The following PRKAG2 variants were observed in gnomAD, a reference collection of about 807,000 sequenced individuals.
PRKAG2 encodes the protein protein kinase AMP-activated non-catalytic subunit gamma 2, also known as 5'-AMP-activated protein kinase subunit gamma-2.
A neutral mutation model predicts 69.6 loss-of-function variants in PRKAG2; 26 were observed. That is an observed-to-expected ratio of 0.37 (90% CI 0.27 to 0.52). The LOEUF is 0.52. Among genes scored for constraint, PRKAG2 ranks in the 20% least tolerant of loss-of-function variants. The pLI is 0.90. For synonymous variants in PRKAG2, 293 were observed against 285.0 expected, an observed-to-expected ratio of 1.03 and a Z score of -0.28; for missense variants, 557 against 740.0, an observed-to-expected ratio of 0.75 and a Z score of 2.87.
At chr7:151,665,808 T>C (rs1446950108) in intron 4 of PRKAG2, among the ~76,000 whole-genome samples, 2 of 152,226 alleles carry the variant, frequency 1.3e-5, no homozygotes, top group Non-Finnish European at 2.9e-5. Context: ...AAGTGGTGCA[T>C]ATAAAGTCTT....
chr7:151,876,203 G>A (rs980127690), intron 1 of PRKAG2, among the ~76,000 whole-genome samples: 4 of 152,016 alleles, frequency 2.6e-5, no homozygotes, highest in Admixed American at 6.5e-5. Flanking sequence ...CCCGCACCCG[G>A]CTGGATACCG....
Position 151,771,189 on chromosome 7 carries a change from T to G in PRKAG2, c.466+9963A>C, listed in dbSNP as rs1014569276. On this transcript the variant is annotated intron_variant, in intron 3 of 15. Coordinates refer to ENST00000287878, the MANE Select transcript of PRKAG2 (RefSeq NM_016203.4). This position sits in a 1 kb window ranked among gnomAD's most constrained non-coding sequence, Gnocchi z 4.0. ...TACATGCATGATTTTTACCCTATCT[T>G]CATTCCAGCTATGTTATTCTTTATG... Among the ~76,000 whole-genome samples, 3 of 152,242 alleles carry G rather than the reference T, an allele frequency of 2.0e-5. No homozygotes were observed. Among genetic ancestry groups the G allele is most frequent in the African/African-American group, 7.2e-5 (3 of 41,460 alleles).
chr7:151,824,384 T>G (rs1191531325), intron 1 of PRKAG2, among the ~76,000 whole-genome samples: 2 of 152,232 alleles, frequency 1.3e-5, no homozygotes, highest in Non-Finnish European at 2.9e-5. Context: ...GCTGCTTGTG[T>G]TAACATCAAG....
At chr7:151,649,112 A>ATTATTTTATTTTATT (rs56728734) in intron 4 of PRKAG2, among the ~76,000 whole-genome samples, 4 of 150,682 alleles carry the variant, frequency 2.7e-5, no homozygotes, top group African/African-American at 9.8e-5. Context: ...GGAAGGAATG[A>ATTATTTTATTTTATT]TTATTTTATT....
At chr7:151,617,332 G>A (rs1341700543) in intron 5 of PRKAG2, among the ~76,000 whole-genome samples, 4 of 149,264 alleles carry the variant, frequency 2.7e-5, no homozygotes, top group Admixed American at 6.6e-5. Flanking sequence ...ACATTGCTTC[G>A]TGTAGCACCA....
intron 1 of PRKAG2, among the ~76,000 whole-genome samples, chr7:151,830,101 G>A (rs1165455632): frequency 8.7e-5 from 13 of 149,656 alleles, no homozygotes; most frequent in Non-Finnish European, 1.8e-4. Flanking sequence ...TTCCAATGTC[G>A]AGGACTGTTC....
At chr7:151,560,644 A>C (rs767223918) in intron 14 of PRKAG2, 27 bp from the exon 15 acceptor site, 1 of 1,613,616 alleles carries the variant, frequency 6.2e-7, no homozygotes, top group Non-Finnish European at 8.5e-7. Flanking sequence ...AGGACACGTG[A>C]AAATTAACAT....
At position 151,836,984 on chromosome 7, in the gene PRKAG2, A is replaced by G. The variant is rs56998446; in HGVS notation, c.114+39523T>C. Among the ~76,000 whole-genome samples, 16,081 of 151,544 alleles carry G rather than the reference A, an allele frequency of 0.11. 1,018 individuals are homozygous for G. Among genetic ancestry groups the G allele is most frequent in the East Asian group, 0.31 (1,571 of 5,104 alleles). ...AGACTGCCAATGTTTATTTGAGGCT[A>G]TTTGTTTAAATTCAACTTGAACCCC... On this transcript the variant is annotated intron_variant, in intron 1 of 15. Transcript: ENST00000287878. This position sits in a 1 kb window ranked among gnomAD's most constrained non-coding sequence, Gnocchi z 4.1.
At chr7:151,874,622 C>T (rs1370343758) in intron 1 of PRKAG2, among the ~76,000 whole-genome samples, 2 of 152,058 alleles carry the variant, frequency 1.3e-5, no homozygotes, top group East Asian at 3.8e-4. Flanking sequence ...TGATGGCTCA[C>T]GCCTGTAATC....
At position 151,719,269 on chromosome 7, in the gene PRKAG2, C is replaced by G. The variant is rs1424738540; in HGVS notation, c.467-43632G>C. ...ACATGCTTCCCGGCCCCGGCACGCT[C>G]AGCCCTGGTCCAACTTATCATACAA... On this transcript the variant is annotated intron_variant, in intron 3 of 15. Coordinates refer to ENST00000287878, the MANE Select transcript of PRKAG2 (RefSeq NM_016203.4). The surrounding 1 kb of genome is among the most constrained non-coding windows in gnomAD (Gnocchi z 5.2). 6.6e-6 allele frequency among the ~76,000 whole-genome samples: 1 copy of G among 152,154 alleles called. No homozygotes were observed. The highest frequency in any genetic ancestry group is 1.5e-5 in the Non-Finnish European group (1 of 68,034).
At chr7:151,736,366 A>G (rs1799804542) in intron 3 of PRKAG2, 1 of 1,014,822 alleles carries the variant, frequency 9.9e-7, no homozygotes, top group Middle Eastern at 4.8e-4. Context: ...TCAGCTGCTC[A>G]CTGATACTCT....
intron 4 of PRKAG2, among the ~76,000 whole-genome samples, chr7:151,662,963 T>G (rs1316599397): frequency 6.6e-6 from 1 of 152,032 alleles, no homozygotes; most frequent in African/African-American, 2.4e-5. Context: ...CCCTTTGGAT[T>G]TGGGATTACT....
chr7:151,866,238 T>C (rs905062917), intron 1 of PRKAG2, among the ~76,000 whole-genome samples: 1 of 152,036 alleles, frequency 6.6e-6, no homozygotes. Context: ...TCCAGCCTCA[T>C]CCCCTACCCC....
rs1319857048 is a variant in PRKAG2, at chr7:151,771,223, T to C, written c.466+9929A>G. 6.6e-6 allele frequency among the ~76,000 whole-genome samples: 1 copy of C among 152,246 alleles called. No individual in the cohort carries two copies. The highest frequency in any genetic ancestry group is 1.5e-5 in the Non-Finnish European group (1 of 68,044). The stretch of plus-strand genomic sequence containing the variant: ...CTATGTTATTCTTTATGCTTTTCCC[T>C]TAGCTAAAATTTCGATTTCCGCTTT... On this transcript the variant is annotated intron_variant, in intron 3 of 15. Transcript: ENST00000287878. This position sits in a 1 kb window ranked among gnomAD's most constrained non-coding sequence, Gnocchi z 4.0.
intron 1 of PRKAG2, among the ~76,000 whole-genome samples, chr7:151,841,986 G>A (rs185692795): frequency 3.8e-4 from 56 of 146,370 alleles, no homozygotes; most frequent in Admixed American, 1.2e-3. Context: ...GTGATGGTAC[G>A]TAGTGATGGT....
Position 151,589,935 on chromosome 7 carries a change from T to TA in PRKAG2, c.864+5409dup, listed in dbSNP as rs1259401817. On this transcript the variant is annotated intron_variant, in intron 6 of 15. Transcript: ENST00000287878. ...GGGTGACAGAATGAGACCCTGTCTTTAAAAAAAAGAAGAAGAAGAAGAAAA... is the reference window on the plus strand; with the variant it reads ...GGGTGACAGAATGAGACCCTGTCTTTAAAAAAAAAGAAGAAGAAGAAGAAAA... Among the ~76,000 whole-genome samples, 8 of 151,644 alleles carry TA rather than the reference T, an allele frequency of 5.3e-5. No homozygotes were observed. The East Asian group carries it at 5.8e-4, about 11-fold the overall frequency.
At chr7:151,651,543 G>A (rs1828501552) in intron 4 of PRKAG2, among the ~76,000 whole-genome samples, 1 of 152,134 alleles carries the variant, frequency 6.6e-6, no homozygotes, top group Non-Finnish European at 1.5e-5. Context: ...GGAGGTGGAG[G>A]TTGCAGTGAG....
At chr7:151,865,320 C>T in intron 1 of PRKAG2, among the ~76,000 whole-genome samples, 1 of 152,252 alleles carries the variant, frequency 6.6e-6, no homozygotes, top group Non-Finnish European at 1.5e-5. Context: ...GTCCTGGGGC[C>T]CAGCTGCTGG....
At chr7:151,873,386 G>A (rs36113661) in intron 1 of PRKAG2, among the ~76,000 whole-genome samples, 25,505 of 152,174 alleles carry the variant, frequency 0.17, 2,339 homozygotes, top group East Asian at 0.24. Flanking sequence ...ACTGGCCATC[G>A]TATGACCCTG....
Sources: allele counts gnomAD v4.1 joint callset (sites outside exome capture counted in the v4.1 genomes callset), GRCh38; gene constraint gnomAD v4.1.1; non-coding constraint Gnocchi (gnomAD v3.1); transcripts MANE v1.5; gene names NCBI Gene and HGNC (gene_info 2026-07-23, HGNC 2026-07-21).